LRTM3: variants seen among roughly 807,000 people sequenced by gnomAD.
LRTM3 encodes the protein leucine-rich repeat transmembrane protein 3.
At chr13:102,748,608 G>C in the LRTM3 span, 1 of 1,550,738 alleles carries the variant, frequency 6.4e-7, no homozygotes, top group Non-Finnish European at 8.7e-7. Context: ...TTCTGCATAG[G>C]TTTTGATATA....
At chr13:102,758,930 C>T in the LRTM3 span, 4 of 1,487,400 alleles carry the variant, frequency 2.7e-6, no homozygotes, top group Admixed American at 2.1e-5. Context: ...ATTGCTTTGA[C>T]ATTTTAATGT....
the LRTM3 span, chr13:102,749,097 T>C: frequency 6.5e-7 from 1 of 1,549,804 alleles, no homozygotes; most frequent in South Asian, 1.2e-5. Context: ...GATATATCTT[T>C]CCTTTCATGT....
At chr13:102,743,234 C>G in the LRTM3 span, 2 of 1,550,550 alleles carry the variant, frequency 1.3e-6, no homozygotes, top group African/African-American at 2.7e-5. Context: ...ATCAGAATAC[C>G]TTGCTATCCC....
chr13:102,744,046 G>A, the LRTM3 span: 1 of 1,550,456 alleles, frequency 6.4e-7, no homozygotes, highest in Non-Finnish European at 8.7e-7. Flanking sequence ...TCATTGATTT[G>A]GATGTTGTAC....
At chr13:102,741,062 C>G in the LRTM3 span, 15 of 1,550,022 alleles carry the variant, frequency 9.7e-6, no homozygotes, top group East Asian at 9.8e-5. Context: ...TTCTGCTGAG[C>G]CTTCTTTCTT....
the LRTM3 span, chr13:102,731,554 T>C: frequency 1.3e-6 from 2 of 1,551,470 alleles, no homozygotes; most frequent in African/African-American, 1.4e-5. Flanking sequence ...GAAAAGGTGG[T>C]GACTTCAAGT....
chr13:102,740,302 T>C, the LRTM3 span: 1 of 1,550,096 alleles, frequency 6.5e-7, no homozygotes, highest in Non-Finnish European at 8.7e-7. Flanking sequence ...TCATCTGCCT[T>C]GGAGAAATCA....
At chr13:102,745,739 C>T in the LRTM3 span, 1 of 1,551,150 alleles carries the variant, frequency 6.4e-7, no homozygotes, top group Non-Finnish European at 8.7e-7. Context: ...TGAGATACCA[C>T]CTTCTCTTGC....
At chr13:102,740,148 G>A in the LRTM3 span, 5 of 1,547,812 alleles carry the variant, frequency 3.2e-6, no homozygotes, top group East Asian at 1.2e-4. Context: ...TTCTTCCCAA[G>A]TCTTAACTTG....
chr13:102,749,698 A>AGGCT, the LRTM3 span: 1 of 1,551,412 alleles, frequency 6.4e-7, no homozygotes. Context: ...CTTTGCTCTC[A>AGGCT]GGCTGGCTCT....
the LRTM3 span, chr13:102,733,610 G>A: frequency 2.5e-5 from 39 of 1,551,098 alleles, no homozygotes; most frequent in Middle Eastern, 1.7e-4. Flanking sequence ...GGAAAGAAAC[G>A]CAGTTAAAGT....
chr13:102,734,353 A>T, the LRTM3 span: 1 of 1,551,256 alleles, frequency 6.4e-7, no homozygotes, highest in Admixed American at 2.0e-5. Flanking sequence ...GCCTTTCTTC[A>T]TCTGCATGCG....
At chr13:102,755,929 GTGTATATATATACATATATATATATATA>G in the LRTM3 span, among the ~76,000 whole-genome samples, 1 of 89,260 alleles carries the variant, frequency 1.1e-5, no homozygotes, top group African/African-American at 6.5e-5. Flanking sequence ...GTGTGTGTGT[GTGTATATATATACATATATATATATATA>G]TATATTTTTT....
the LRTM3 span, chr13:102,729,457 A>G: frequency 6.9e-7 from 1 of 1,452,746 alleles, no homozygotes; most frequent in South Asian, 1.6e-5. Context: ...AATGTCAGCT[A>G]TGAAAAACGG....
chr13:102,755,743 G>A, the LRTM3 span, among the ~76,000 whole-genome samples: 8 of 150,584 alleles, frequency 5.3e-5, no homozygotes, highest in East Asian at 7.8e-4. Flanking sequence ...AAACCTACAC[G>A]TTCTGCATAT....
At chr13:102,747,085 G>C in the LRTM3 span, 15 of 1,550,712 alleles carry the variant, frequency 9.7e-6, no homozygotes, top group Non-Finnish European at 1.2e-5. Flanking sequence ...TTTCTTTGAC[G>C]CCTTTTACTT....
the LRTM3 span, chr13:102,738,489 C>T: frequency 6.4e-7 from 1 of 1,550,760 alleles, no homozygotes; most frequent in Non-Finnish European, 8.7e-7. Context: ...ATCCTTTTCT[C>T]TTGCTCTTTA....
At chr13:102,730,415 T>A in the LRTM3 span, 1 of 1,550,982 alleles carries the variant, frequency 6.4e-7, no homozygotes, top group Non-Finnish European at 8.7e-7. Context: ...AATCTGAGTT[T>A]CACATGAAAC....
the LRTM3 span, chr13:102,735,233 A>G: frequency 6.4e-7 from 1 of 1,551,390 alleles, no homozygotes. Context: ...GTTGGGATCC[A>G]GTACACTGGT....
Sources: allele counts gnomAD v4.1 joint callset (sites outside exome capture counted in the v4.1 genomes callset), GRCh38; gene constraint gnomAD v4.1.1; transcripts MANE v1.5; gene names NCBI Gene and HGNC (gene_info 2026-07-23, HGNC 2026-07-21).